RNF185: variants seen among roughly 807,000 people sequenced by gnomAD.
The protein encoded by RNF185 is E3 ubiquitin-protein ligase RNF185.
RNF185 carries 13 observed loss-of-function variants against 24.9 expected under a neutral mutation model. The observed-to-expected ratio is 0.52, with a 90% CI of 0.34 to 0.83. The LOEUF is 0.83. Ranked by LOEUF, RNF185 falls within the 40% of genes least tolerant of loss-of-function variation. The pLI, the probability that RNF185 is intolerant of heterozygous loss-of-function variation, is 0.01. For missense variants in RNF185, 184 were observed against 244.7 expected, an observed-to-expected ratio of 0.75 and a Z score of 1.65; for synonymous variants, 79 against 90.3, an observed-to-expected ratio of 0.88 and a Z score of 0.71.
chr22:31,195,334 G>A, intron 3 of RNF185, 135 bp from the exon 4 acceptor site: 1 of 578,368 alleles, frequency 1.7e-6, no homozygotes, highest in Non-Finnish European at 3.1e-6. Flanking sequence ...TGGGAGTCAG[G>A]TTCCTTGAGA....
In RNF185 at chr22:31,195,588, A is replaced by G; in HGVS notation, c.308+7A>G. The stretch of plus-strand genomic sequence containing the variant: ...CTGGGCAACAGGACCCCAGGTGAGG[A>G]CTCAGGATGCCTCTCCCAACCACTT... On this transcript the variant is annotated splice_region_variant and intron_variant, in intron 4 of 6. Coordinates refer to ENST00000326132, the MANE Select transcript of RNF185 (RefSeq NM_152267.4). The G allele has an allele frequency of 6.4e-7, 1 of 1,574,306 alleles. No individual in the cohort carries two copies. Among genetic ancestry groups the G allele is most frequent in the Non-Finnish European group, 8.7e-7 (1 of 1,152,310 alleles).
At chr22:31,183,531 C>G (rs922321415) in intron 1 of RNF185, among the ~76,000 whole-genome samples, 2 of 152,028 alleles carry the variant, frequency 1.3e-5, no homozygotes, top group Non-Finnish European at 2.9e-5. Flanking sequence ...AGGGCCCTGC[C>G]GCCTTCCGCA....
intron 5 of RNF185, among the ~76,000 whole-genome samples, chr22:31,199,125 A>C (rs2048238135): frequency 6.6e-6 from 1 of 151,984 alleles, no homozygotes. Context: ...GAAAGAAAGA[A>C]ATTAAGGTTC....
chr22:31,175,271 G>A (rs1056182966), intron 1 of RNF185, among the ~76,000 whole-genome samples: 1 of 151,574 alleles, frequency 6.6e-6, no homozygotes, highest in Non-Finnish European at 1.5e-5. Context: ...GCAGCATGGC[G>A]AAACCCCATC....
intron 3 of RNF185, 101 bp from the exon 4 acceptor site, chr22:31,195,368 T>G (rs1324843271): frequency 7.5e-6 from 5 of 664,264 alleles, no homozygotes; most frequent in African/African-American, 5.4e-5. Context: ...TGCTGGTGTT[T>G]CCCAGTTTGA....
chr22:31,163,729 A>G (rs1380741759), intron 1 of RNF185, among the ~76,000 whole-genome samples: 1 of 150,796 alleles, frequency 6.6e-6, no homozygotes, highest in Non-Finnish European at 1.5e-5. Context: ...GCTGGAGTGC[A>G]GTGGCGCAAT....
chr22:31,204,794 A>G lies in RNF185; in HGVS notation c.*208A>G, dbSNP rs1311651088. 2 of 538,292 alleles carry G rather than the reference A, an allele frequency of 3.7e-6. No individual in the cohort carries two copies. The highest frequency in any genetic ancestry group is 6.3e-5 in the East Asian group (2 of 31,552). 33.3% of individuals were successfully genotyped at this position (538,292 alleles called of 1,614,324 possible). ...ATATCGCCACCGCTGTAAACACTCTATAACTTCAGGCCTTGGCATTGAGTC... is the reference window on the plus strand; with the variant it reads ...ATATCGCCACCGCTGTAAACACTCTGTAACTTCAGGCCTTGGCATTGAGTC... On this transcript the variant is annotated 3_prime_UTR_variant, in exon 7 of 7. Coordinates refer to ENST00000326132, the MANE Select transcript of RNF185 (RefSeq NM_152267.4).
intron 2 of RNF185, among the ~76,000 whole-genome samples, chr22:31,189,571 ACAGGCGTGAG>A (rs1363514450): frequency 1.3e-5 from 2 of 150,810 alleles, no homozygotes; most frequent in African/African-American, 2.4e-5. Context: ...TGCTAGGATT[ACAGGCGTGAG>A]CCACCATGCC....
chr22:31,178,595 G>A (rs1034121768), intron 1 of RNF185, among the ~76,000 whole-genome samples: 2 of 152,146 alleles, frequency 1.3e-5, no homozygotes, highest in Admixed American at 1.3e-4. Context: ...AGGAAAAACA[G>A]GTGAGTTTGA....
At chr22:31,194,189 C>T (rs9621215) in intron 3 of RNF185, among the ~76,000 whole-genome samples, 6,840 of 151,894 alleles carry the variant, frequency 0.045, 563 homozygotes, top group East Asian at 0.37. Context: ...TGAGCCACCG[C>T]GCCTGGCCTA....
intron 4 of RNF185, 31 bp from the exon 5 acceptor site, chr22:31,196,905 A>G (rs2048210768): frequency 1.9e-6 from 3 of 1,610,488 alleles, no homozygotes; most frequent in East Asian, 2.2e-5. Flanking sequence ...GCAATTTGTA[A>G]TAGACTTATT....
At chr22:31,204,440 C>G in intron 6 of RNF185, 49 bp from the exon 7 acceptor site, 1 of 1,169,106 alleles carries the variant, frequency 8.6e-7, no homozygotes, top group South Asian at 1.2e-5. Flanking sequence ...GGGCAGTGTG[C>G]ATAGCTGCAG....
rs560464802 is a variant in RNF185 at position 31,204,780 on chromosome 22, G to T, written c.*194G>T. ...GCGATGACCCCTGAATATCGCCACC[G>T]CTGTAAACACTCTATAACTTCAGGC... On this transcript the variant is annotated 3_prime_UTR_variant, in exon 7 of 7. Transcript: ENST00000326132. 5.3e-6 allele frequency: 3 copies of T among 565,846 alleles called. No individual in the cohort carries two copies. 35.1% of individuals were successfully genotyped at this position (565,846 alleles called of 1,614,324 possible).
chr22:31,186,882 T>C (rs2048104380), intron 1 of RNF185, among the ~76,000 whole-genome samples, 165 bp from the exon 2 acceptor site: 1 of 152,180 alleles, frequency 6.6e-6, no homozygotes, highest in Non-Finnish European at 1.5e-5. Context: ...GTCACTGCCC[T>C]TTGGGTAGTG....
intron 2 of RNF185, among the ~76,000 whole-genome samples, chr22:31,191,540 A>T (rs931887396): frequency 2.0e-5 from 3 of 152,138 alleles, no homozygotes; most frequent in Admixed American, 6.6e-5. Context: ...GAAAGAAATT[A>T]AAAATGTGGG....
intron 1 of RNF185, among the ~76,000 whole-genome samples, chr22:31,167,384 A>C (rs1217544956): frequency 6.6e-6 from 1 of 152,052 alleles, no homozygotes; most frequent in Non-Finnish European, 1.5e-5. Context: ...TAAATTCACA[A>C]TGTTGTATAA....
At chr22:31,195,659 C>T in intron 4 of RNF185, 78 bp downstream of exon 4, 1 of 884,416 alleles carries the variant, frequency 1.1e-6, no homozygotes, top group Non-Finnish European at 1.8e-6. Flanking sequence ...CCCCTAACCC[C>T]ACCCTTTACT....
chr22:31,178,004 AG>A lies in RNF185; in HGVS notation c.-48-9041del, dbSNP rs556892996. Among the ~76,000 whole-genome samples, 6 of 152,300 alleles carry A rather than the reference AG, an allele frequency of 3.9e-5. No homozygotes were observed. The South Asian group carries it at 6.2e-4, about 16-fold the overall frequency. On this transcript the variant is annotated intron_variant, in intron 1 of 6. Transcript: ENST00000326132. ...AGGTGGGCCAGACCAAGTAGACCAA[AG>A]GCCAGCTCTGGGAAGGTAATATATT...
intron 2 of RNF185, 40 bp downstream of exon 2, chr22:31,187,310 A>T (rs148006933): frequency 2.7e-5 from 44 of 1,608,542 alleles, no homozygotes; most frequent in Non-Finnish European, 3.7e-5. Context: ...CACATTGCCA[A>T]GTTTGGAAAG....
Sources: gnomAD v4.1 joint callset for allele counts (sites outside exome capture counted in the v4.1 genomes callset) on GRCh38, gnomAD v4.1.1 for gene constraint, MANE v1.5 for transcripts, NCBI Gene and HGNC (gene_info 2026-07-23, HGNC 2026-07-21) for gene names.